MGAT5: variants seen among roughly 807,000 people sequenced by gnomAD.
MGAT5 encodes the protein alpha-1,6-mannosylglycoprotein 6-beta-N-acetylglucosaminyltransferase A.
In MGAT5, 30 loss-of-function variants were observed where a neutral mutation model predicts 94.3. The observed-to-expected ratio is 0.32, with a 90% confidence interval of 0.24 to 0.43. MGAT5 has a LOEUF of 0.43. Ranked by LOEUF, MGAT5 falls within the 20% of genes least tolerant of loss-of-function variation. The probability of loss-of-function intolerance (pLI) is 1.00; values close to 1 mark genes in which losing one functional copy is unlikely to be tolerated. For synonymous variants in MGAT5, 310 were observed against 322.9 expected (o/e 0.96, Z 0.43); for missense variants, 691 against 905.5 (o/e 0.76, Z 3.04).
At chr2:134,127,832 C>G (rs1367085303) in intron 1 of MGAT5, among the ~76,000 whole-genome samples, 1 of 152,200 alleles carries the variant, frequency 6.6e-6, no homozygotes, top group Non-Finnish European at 1.5e-5. Context: ...TCTGCACACT[C>G]AGCTACTTTA....
At chr2:134,439,159 C>A (rs114064197) in intron 14 of MGAT5, among the ~76,000 whole-genome samples, 193 of 152,252 alleles carry the variant, frequency 1.3e-3, no homozygotes, top group African/African-American at 4.5e-3. Context: ...TCTCAGCAGG[C>A]AATGCCTTTC....
chr2:134,270,898 C>T (rs1433469234), intron 2 of MGAT5, among the ~76,000 whole-genome samples: 1 of 152,160 alleles, frequency 6.6e-6, no homozygotes, highest in Non-Finnish European at 1.5e-5. Flanking sequence ...CTCCGTACTC[C>T]CATCAGACAA....
At chr2:134,390,439 G>A (rs1208956746) in intron 10 of MGAT5, among the ~76,000 whole-genome samples, 1 of 152,034 alleles carries the variant, frequency 6.6e-6, no homozygotes, top group Non-Finnish European at 1.5e-5. Flanking sequence ...GTGCCATGTT[G>A]GTGTGCTGCA....
intron 4 of MGAT5, among the ~76,000 whole-genome samples, chr2:134,323,521 A>G (rs1224308014): frequency 6.6e-6 from 1 of 152,130 alleles, no homozygotes; most frequent in African/African-American, 2.4e-5. Flanking sequence ...GAGCCAAGTC[A>G]TAGATAGCTC....
Position 134,260,991 on chromosome 2 carries a change from G to A in MGAT5, c.241+6347G>A, listed in dbSNP as rs78379164. On this transcript the variant is annotated intron_variant, in intron 1 of 15. Transcript: ENST00000281923. ...TCCAGCCATCCTGTGGTAGAGTCCAGCCTGCCCAGTATCCTCATCAAAGCC... is the reference window on the plus strand; with the variant it reads ...TCCAGCCATCCTGTGGTAGAGTCCAACCTGCCCAGTATCCTCATCAAAGCC... Among the ~76,000 whole-genome samples the A allele has an allele frequency of 2.9e-3, 436 of 152,222 alleles. 3 individuals are homozygous for A. Among genetic ancestry groups the A allele is most frequent in the African/African-American group, 9.5e-3 (396 of 41,540 alleles).
At chr2:134,348,400 T>C (rs1403234652) in intron 8 of MGAT5, among the ~76,000 whole-genome samples, 5 of 152,170 alleles carry the variant, frequency 3.3e-5, no homozygotes, top group Admixed American at 1.3e-4. Context: ...GTATTTGACT[T>C]GTGGTGGTGG....
intron 10 of MGAT5, among the ~76,000 whole-genome samples, chr2:134,389,728 T>C (rs1682281278): frequency 6.6e-6 from 1 of 152,208 alleles, no homozygotes; most frequent in South Asian, 2.1e-4. Context: ...GGAGTACTTG[T>C]ATTCTTGCCT....
chr2:134,186,971 G>A (rs1689072527), intron 1 of MGAT5, among the ~76,000 whole-genome samples: 1 of 152,190 alleles, frequency 6.6e-6, no homozygotes, highest in Non-Finnish European at 1.5e-5. Context: ...GCTGCTTGAA[G>A]GAGTGATGTT....
chr2:134,398,747 A>AG (rs1157218803), intron 10 of MGAT5, among the ~76,000 whole-genome samples: 2 of 151,954 alleles, frequency 1.3e-5, no homozygotes, highest in Non-Finnish European at 2.9e-5. Context: ...GGCCATTTAA[A>AG]AAAATGGCAG....
chr2:134,164,856 AC>A (rs1490950267), intron 1 of MGAT5, among the ~76,000 whole-genome samples: 5 of 151,880 alleles, frequency 3.3e-5, no homozygotes, highest in Non-Finnish European at 4.4e-5. Context: ...AAAAAACCAA[AC>A]CAAACAAAGC....
intron 1 of MGAT5, among the ~76,000 whole-genome samples, chr2:134,176,572 T>TAACAAA (rs1688475437): frequency 1.2e-5 from 1 of 83,314 alleles, no homozygotes; most frequent in Non-Finnish European, 2.2e-5. Flanking sequence ...GACTCTGTCT[T>TAACAAA]AAAAAAAAAA....
intron 2 of MGAT5, among the ~76,000 whole-genome samples, chr2:134,313,037 A>AACACAC (rs201311442): frequency 4.1e-4 from 57 of 139,298 alleles, no homozygotes; most frequent in East Asian, 1.8e-3. Context: ...GCAAGAAATA[A>AACACAC]ACACACACAC....
At chr2:134,414,162 T>G (rs534057952) in intron 12 of MGAT5, among the ~76,000 whole-genome samples, 4,917 of 115,410 alleles carry the variant, frequency 0.043, 200 homozygotes, top group African/African-American at 0.16. Flanking sequence ...TGTGTGTGGT[T>G]TTTTTTTTTT....
chr2:134,294,618 T>A (rs1465767767), intron 2 of MGAT5, among the ~76,000 whole-genome samples: 1 of 152,166 alleles, frequency 6.6e-6, no homozygotes, highest in African/African-American at 2.4e-5. Flanking sequence ...AATAGTAACT[T>A]CTCTTAGAAG....
intron 2 of MGAT5, among the ~76,000 whole-genome samples, chr2:134,303,560 C>G (rs1342628213): frequency 6.6e-6 from 1 of 151,822 alleles, no homozygotes; most frequent in Non-Finnish European, 1.5e-5. Flanking sequence ...TGATGTGAGG[C>G]CCTTCTGGGG....
intron 1 of MGAT5, among the ~76,000 whole-genome samples, chr2:134,174,083 C>G (rs1429195346): frequency 6.6e-6 from 1 of 152,204 alleles, no homozygotes; most frequent in Non-Finnish European, 1.5e-5. Context: ...CTTCTAAGCC[C>G]AAATGAGCCT....
At chr2:134,418,819 T>C (rs1346355645) in intron 12 of MGAT5, among the ~76,000 whole-genome samples, 1 of 152,192 alleles carries the variant, frequency 6.6e-6, no homozygotes, top group Non-Finnish European at 1.5e-5. Flanking sequence ...GTTTGCTTTA[T>C]GCAAGAGGGC....
chr2:134,420,843 G>T (rs72980080), intron 12 of MGAT5, among the ~76,000 whole-genome samples: 3,505 of 152,278 alleles, frequency 0.023, 106 homozygotes, highest in African/African-American at 0.071. Flanking sequence ...AAAAGGAAAA[G>T]AATTTCTAAT....
intron 2 of MGAT5, among the ~76,000 whole-genome samples, chr2:134,297,261 G>T (rs1234636245): frequency 6.8e-6 from 1 of 147,434 alleles, no homozygotes; most frequent in African/African-American, 2.5e-5. Flanking sequence ...CTAATAATTA[G>T]AACTTTTCCT....
Sources: allele counts gnomAD v4.1 joint callset (sites outside exome capture counted in the v4.1 genomes callset), GRCh38; gene constraint gnomAD v4.1.1; transcripts MANE v1.5; gene names NCBI Gene and HGNC (gene_info 2026-07-23, HGNC 2026-07-21).